The following C19orf47 variants were observed in gnomAD, a reference collection of about 807,000 sequenced individuals.
The protein encoded by C19orf47 is uncharacterized protein C19orf47.
Under a neutral mutation model 32.3 loss-of-function variants are expected in C19orf47, and 18 were observed. The observed-to-expected ratio is 0.56, with a 90% confidence interval of 0.39 to 0.83. C19orf47 has a LOEUF of 0.83. C19orf47 is among the 40% of genes least tolerant of loss of function. C19orf47 has a pLI of 0.00. For missense variants in C19orf47, 484 were observed against 531.6 expected, an observed-to-expected ratio of 0.91 and a Z score of 0.88; for synonymous variants, 202 against 211.1, an observed-to-expected ratio of 0.96 and a Z score of 0.37.
chr19:40,347,159 A>C (rs144726579), intron 1 of C19orf47, among the ~76,000 whole-genome samples: 28 of 152,240 alleles, frequency 1.8e-4, no homozygotes, highest in African/African-American at 6.5e-4. Flanking sequence ...GTACAATGTA[A>C]TGGGCTGTTC....
intron 7 of C19orf47, 34 bp downstream of exon 7, chr19:40,326,300 C>A (rs200578031): frequency 6.2e-7 from 1 of 1,611,860 alleles, no homozygotes; most frequent in East Asian, 2.2e-5. Context: ...GGACATGGAC[C>A]CCGCAGGGAA....
the C19orf47 span, chr19:40,299,565 T>C: frequency 6.6e-6 from 1 of 152,370 alleles, no homozygotes; most frequent in African/African-American, 2.4e-5. Context: ...CTTTAGTATA[T>C]GTGCTGCCAA....
At chr19:40,329,071 T>C (rs1442659792) in intron 5 of C19orf47, among the ~76,000 whole-genome samples, 2 of 152,114 alleles carry the variant, frequency 1.3e-5, no homozygotes. Flanking sequence ...TCAACCTCTA[T>C]CACCCTTACC....
In C19orf47 at chr19:40,348,259, C is replaced by G. The variant is rs1450896254; in HGVS notation, c.-34+65G>C. 8 of 1,138,766 alleles carry G rather than the reference C, an allele frequency of 7.0e-6. No homozygotes were observed. The Middle Eastern group carries it at 9.6e-4, about 136-fold the overall frequency. The allele number at this position is 1,138,766 out of a possible 1,614,324, so 70.5% of individuals were successfully genotyped here. On this transcript the variant is annotated intron_variant, in intron 1 of 8. Transcript: ENST00000683109. ...CAACGGAGCCCGAACTGAGTCCAGA[C>G]ACCCGGACGCCACCCGTCCCTACCG... is the stretch of plus-strand genomic sequence containing the variant.
At position 40,321,397 on chromosome 19, in the gene C19orf47, C is replaced by T; in HGVS notation, c.*485G>A. 57 of 992,146 alleles carry T rather than the reference C, an allele frequency of 5.7e-5. No homozygotes were observed. Among genetic ancestry groups the T allele is most frequent in the Non-Finnish European group, 6.7e-5 (56 of 834,164 alleles). The allele number at this position is 992,146 out of a possible 1,614,324, so 61.5% of individuals were successfully genotyped here. ...AGAAGAGAAATGAACAAAGTGAAGA[C>T]AGGGAGAGAGAGAAGTCACAGCAGT... On this transcript the variant is annotated 3_prime_UTR_variant, in exon 9 of 9. Transcript: ENST00000683109.
downstream of C19orf47, among the ~76,000 whole-genome samples, chr19:40,318,136 C>A (rs1161660185): frequency 6.6e-6 from 1 of 152,132 alleles, no homozygotes; most frequent in Non-Finnish European, 1.5e-5. Context: ...GTAATCCCAG[C>A]ACTTTGGGAG....
intron 2 of C19orf47, among the ~76,000 whole-genome samples, chr19:40,339,981 A>C (rs962727900): frequency 1.7e-5 from 2 of 116,594 alleles, no homozygotes; most frequent in African/African-American, 6.1e-5. Context: ...ATCTCAAAAC[A>C]AAAAAAAAAA....
Position 40,348,370 on chromosome 19 carries a change from C to G in C19orf47, c.-80G>C. 7.1e-7 allele frequency: 1 copy of G among 1,416,686 alleles called. No individual in the cohort carries two copies. The highest frequency in any genetic ancestry group is 1.4e-5 in the South Asian group (1 of 72,182). The allele number at this position is 1,416,686 out of a possible 1,614,324, so 87.8% of individuals were successfully genotyped here. ...CACTCGCGCCGCCCGCCCTCCCTCCCGGCGGCGCCAACTGTCAGACACTCC... is the reference window on the plus strand; with the variant it reads ...CACTCGCGCCGCCCGCCCTCCCTCCGGGCGGCGCCAACTGTCAGACACTCC... On this transcript the variant is annotated 5_prime_UTR_variant, in exon 1 of 9. Coordinates refer to ENST00000683109, the MANE Select transcript of C19orf47 (RefSeq NM_001256441.2).
chr19:40,326,389 G>A lies in C19orf47; in HGVS notation c.537C>T (p.Pro179=), dbSNP rs1600175166. The part of the protein sequence containing the change: ...EMEGKYVINM[P]KGTTPRTRKI... ...TGCGGGTGCGGGGTGTGGTGCCTTT[G>A]GGCATGTTGATGACGTACTTCCCCT... The change falls in exon 7 of 9, where the codon CCC becomes CCT. Residue 179 remains proline, a synonymous_variant. Coordinates refer to ENST00000683109, the MANE Select transcript of C19orf47 (RefSeq NM_001256441.2). 1.2e-6 allele frequency: 2 copies of A among 1,614,180 alleles called. No individual in the cohort carries two copies. The highest frequency in any genetic ancestry group is 2.7e-5 in the African/African-American group (2 of 75,030).
At chr19:40,293,677 G>C in the C19orf47 span, among the ~76,000 whole-genome samples, 1 of 150,756 alleles carries the variant, frequency 6.6e-6, no homozygotes, top group East Asian at 2.0e-4. Flanking sequence ...TGTTGATGAG[G>C]CTGGTCTCAA....
chr19:40,311,418 T>C, the C19orf47 span, among the ~76,000 whole-genome samples: 6 of 150,566 alleles, frequency 4.0e-5, no homozygotes, highest in Admixed American at 2.0e-4. Flanking sequence ...GGCACGCACC[T>C]GTAGTCCCAG....
intron 6 of C19orf47, among the ~76,000 whole-genome samples, 165 bp downstream of exon 6, chr19:40,328,248 C>T (rs573676629): frequency 1.2e-4 from 18 of 152,242 alleles, no homozygotes; most frequent in African/African-American, 4.1e-4. Context: ...GGCCCACAGA[C>T]GTATGGCACC....
intron 2 of C19orf47, among the ~76,000 whole-genome samples, chr19:40,338,370 TATATATATATACAC>T (rs1169151516): frequency 1.3e-5 from 2 of 149,102 alleles, no homozygotes; most frequent in African/African-American, 2.5e-5. Flanking sequence ...CACAAATACA[TATATATATATACAC>T]ATATATATAT....
intron 1 of C19orf47, among the ~76,000 whole-genome samples, chr19:40,346,147 C>CCTTG (rs2078272923): frequency 4.2e-5 from 6 of 141,532 alleles, no homozygotes; most frequent in East Asian, 2.1e-4. Flanking sequence ...CAGAGTGAGA[C>CCTTG]TCCATCTCAA....
At chr19:40,338,965 A>G (rs1394801185) in intron 2 of C19orf47, 1 of 152,242 alleles carries the variant, frequency 6.6e-6, no homozygotes, top group Non-Finnish European at 1.5e-5. Flanking sequence ...TTATAGCTAC[A>G]CTAAGCTGTT....
At chr19:40,317,477 AT>A (rs1235670171), downstream of C19orf47, among the ~76,000 whole-genome samples, 2 of 152,070 alleles carry the variant, frequency 1.3e-5, no homozygotes. Context: ...AAAAAAAAAA[AT>A]CTACCCCTGT....
At chr19:40,337,288 A>AATT (rs57061818) in intron 2 of C19orf47, among the ~76,000 whole-genome samples, 8,869 of 143,142 alleles carry the variant, frequency 0.062, 335 homozygotes, top group African/African-American at 0.11. Flanking sequence ...CCATGACAGC[A>AATT]ATTATTATTA....
At position 40,328,414 on chromosome 19, in the gene C19orf47, A is replaced by C. The variant is rs773854808; in HGVS notation, c.438T>G (p.Thr146=). ...TACCACCTGCCCATGTTCCCTCACC[A>C]GTGGCCTTGGCACTCTTTGCTGCCA... ...NKMAAKSAKA[T]AALARREEES... Residue 146 remains threonine, a splice_region_variant and synonymous_variant, in exon 6 of 9, where the codon ACT becomes ACG. Coordinates refer to ENST00000683109, the MANE Select transcript of C19orf47 (RefSeq NM_001256441.2). 6.2e-7 allele frequency: 1 copy of C among 1,612,416 alleles called. No individual in the cohort carries two copies. The highest frequency in any genetic ancestry group is 1.7e-5 in the Admixed American group (1 of 59,790).
chr19:40,315,072 A>G (rs2077653015), downstream of C19orf47, among the ~76,000 whole-genome samples: 1 of 152,214 alleles, frequency 6.6e-6, no homozygotes, highest in African/African-American at 2.4e-5. Context: ...AGGAGACACG[A>G]CAACTCCTTA....
Sources: allele counts gnomAD v4.1 joint callset (sites outside exome capture counted in the v4.1 genomes callset), GRCh38; gene constraint gnomAD v4.1.1; transcripts MANE v1.5; gene names NCBI Gene and HGNC (gene_info 2026-07-23, HGNC 2026-07-21).